The following ACBD6 variants were observed in gnomAD, a reference collection of about 807,000 sequenced individuals.
The protein encoded by ACBD6 is acyl-CoA-binding domain-containing protein 6.
Under a neutral mutation model 37.2 loss-of-function variants are expected in ACBD6, and 28 were observed. That is an observed-to-expected ratio of 0.75 (90% CI 0.56 to 1.03). The LOEUF is 1.03. Among genes scored for constraint, ACBD6 ranks in the 50% least tolerant of loss-of-function variants. The pLI, the probability that ACBD6 is intolerant of heterozygous loss-of-function variation, is 0.00. For synonymous variants in ACBD6, 113 were observed against 126.8 expected (o/e 0.89, Z 0.73); for missense variants, 340 against 337.4 (o/e 1.01, Z -0.06).
intron 6 of ACBD6, among the ~76,000 whole-genome samples, chr1:180,347,963 A>G (rs1041571183): frequency 2.0e-5 from 3 of 152,096 alleles, no homozygotes; most frequent in African/African-American, 4.8e-5. Context: ...AAAAAAAAAA[A>G]AGAGATTCTA....
intron 5 of ACBD6, 35 bp downstream of exon 5, chr1:180,413,331 A>G: frequency 6.5e-7 from 1 of 1,533,322 alleles, no homozygotes; most frequent in Non-Finnish European, 9.0e-7. Flanking sequence ...ACAACCATGC[A>G]TAGGAAAATA....
chr1:180,425,303 C>A (rs1418767714), intron 4 of ACBD6, among the ~76,000 whole-genome samples: 1 of 152,202 alleles, frequency 6.6e-6, no homozygotes, highest in East Asian at 1.9e-4. Flanking sequence ...TCATTCTGAG[C>A]AGTCAGATTC....
intron 5 of ACBD6, among the ~76,000 whole-genome samples, chr1:180,401,406 T>C (rs1647352624): frequency 6.6e-6 from 1 of 152,176 alleles, no homozygotes; most frequent in Non-Finnish European, 1.5e-5. Flanking sequence ...GCTTCTCTGA[T>C]TTCCTTAGTA....
intron 3 of ACBD6, among the ~76,000 whole-genome samples, chr1:180,436,782 GAATAA>G (rs1278871351): frequency 6.6e-6 from 1 of 151,718 alleles, no homozygotes; most frequent in Middle Eastern, 3.2e-3. Flanking sequence ...AAAAAAACCT[GAATAA>G]AATATTGAAA....
chr1:180,283,837 A>C (rs1463926856), downstream of ACBD6, among the ~76,000 whole-genome samples: 1 of 152,296 alleles, frequency 6.6e-6, no homozygotes, highest in East Asian at 1.9e-4. Flanking sequence ...GTCAAAGGAA[A>C]TTCTCATTGA....
intron 1 of ACBD6, among the ~76,000 whole-genome samples, chr1:180,500,517 AC>A (rs1235482977): frequency 6.6e-6 from 1 of 151,038 alleles, no homozygotes; most frequent in South Asian, 2.1e-4. Flanking sequence ...ACATGATGAA[AC>A]CCCGTCTCTT....
intron 6 of ACBD6, among the ~76,000 whole-genome samples, chr1:180,370,774 T>C (rs1653233555): frequency 1.3e-5 from 2 of 152,100 alleles, no homozygotes; most frequent in East Asian, 1.9e-4. Flanking sequence ...TATACAAATG[T>C]AGTCTCTGAC....
chr1:180,274,866 G>C (rs918065001), exon 10 of ACBD6: 1 of 327,142 alleles, frequency 3.1e-6, no homozygotes, highest in African/African-American at 2.1e-5. Flanking sequence ...TTCTGCTTAG[G>C]GGCTTGGCTG....
intron 6 of ACBD6, among the ~76,000 whole-genome samples, chr1:180,380,948 C>G (rs1327870227): frequency 6.6e-6 from 1 of 152,016 alleles, no homozygotes; most frequent in Non-Finnish European, 1.5e-5. Context: ...TTAAAAATGA[C>G]TCAACTATAT....
At chr1:180,300,440 G>C (rs1650087774) in intron 7 of ACBD6, among the ~76,000 whole-genome samples, 1 of 151,896 alleles carries the variant, frequency 6.6e-6, no homozygotes, top group Admixed American at 6.6e-5. Flanking sequence ...TTAAAAACTG[G>C]CAAGAATCCA....
chr1:180,453,525 T>C (rs6696075), intron 3 of ACBD6, among the ~76,000 whole-genome samples: 14,300 of 152,172 alleles, frequency 0.094, 909 homozygotes, highest in African/African-American at 0.17. Context: ...CTATTCAACA[T>C]AGTAGTGGAA....
intron 7 of ACBD6, among the ~76,000 whole-genome samples, chr1:180,301,705 A>G (rs1650136857): frequency 1.3e-5 from 2 of 152,162 alleles, no homozygotes; most frequent in South Asian, 2.1e-4. Flanking sequence ...GGTTTATGGT[A>G]GTGTACTAAA....
At chr1:180,428,316 T>C (rs368850982) in intron 4 of ACBD6, among the ~76,000 whole-genome samples, 10 of 152,032 alleles carry the variant, frequency 6.6e-5, no homozygotes, top group African/African-American at 2.4e-4. Context: ...GAACATATTA[T>C]TCAAAAGTGA....
intron 5 of ACBD6, among the ~76,000 whole-genome samples, chr1:180,411,401 C>A (rs568095137): frequency 1.2e-4 from 18 of 152,136 alleles, no homozygotes; most frequent in Non-Finnish European, 2.2e-4. Flanking sequence ...AAGGAAGACT[C>A]AATCAATGTA....
At chr1:180,403,097 A>G (rs553645869) in intron 5 of ACBD6, among the ~76,000 whole-genome samples, 4 of 152,330 alleles carry the variant, frequency 2.6e-5, no homozygotes, top group Admixed American at 6.5e-5. Context: ...AGGAGTACAT[A>G]TGTATAATCC....
chr1:180,363,518 T>C (rs183832653), intron 6 of ACBD6, among the ~76,000 whole-genome samples: 149 of 152,136 alleles, frequency 9.8e-4, no homozygotes, highest in South Asian at 6.0e-3. Flanking sequence ...TAAAAGTTGA[T>C]GAAAAAGCAG....
At chr1:180,276,976 A>ATCTC (rs2149270851) in intron 9 of ACBD6, 1 of 152,272 alleles carries the variant, frequency 6.6e-6, no homozygotes, top group Non-Finnish European at 1.5e-5. Flanking sequence ...AATATAATAA[A>ATCTC]TCTCTTGAGG....
At chr1:180,472,698 A>T (rs1650615127) in intron 3 of ACBD6, among the ~76,000 whole-genome samples, 1 of 152,204 alleles carries the variant, frequency 6.6e-6, no homozygotes, top group African/African-American at 2.4e-5. Flanking sequence ...GTAATTTGGT[A>T]TCCTGAGTTT....
chr1:180,476,783 G>A (rs752607872), intron 3 of ACBD6, among the ~76,000 whole-genome samples: 9 of 152,076 alleles, frequency 5.9e-5, no homozygotes, highest in Non-Finnish European at 1.0e-4. Context: ...CTGAGATCAT[G>A]CCATTGCGCT....
Sources: allele counts gnomAD v4.1 joint callset (sites outside exome capture counted in the v4.1 genomes callset), GRCh38; gene constraint gnomAD v4.1.1; transcripts MANE v1.5; gene names NCBI Gene and HGNC (gene_info 2026-07-23, HGNC 2026-07-21).